Variants in FERRY3 observed in about 807,000 individuals in gnomAD.
FERRY3 encodes protein C12orf4.
chr12:4,510,780 G>A, the FERRY3 span, among the ~76,000 whole-genome samples: 17 of 146,110 alleles, frequency 1.2e-4, no homozygotes, highest in African/African-American at 2.1e-4. Context: ...GGTACCAGCC[G>A]CTGCAAAATC....
At chr12:4,529,464 T>C in the FERRY3 span, among the ~76,000 whole-genome samples, 1 of 152,132 alleles carries the variant, frequency 6.6e-6, no homozygotes, top group African/African-American at 2.4e-5. Flanking sequence ...CAGCATGCCC[T>C]TGGACAAGTT....
chr12:4,505,879 G>A, the FERRY3 span, among the ~76,000 whole-genome samples: 1 of 152,066 alleles, frequency 6.6e-6, no homozygotes, highest in East Asian at 1.9e-4. Context: ...ACAAATAAAT[G>A]GCTAGTGGGA....
the FERRY3 span, among the ~76,000 whole-genome samples, chr12:4,520,404 TCAAGTAA>T: frequency 6.6e-6 from 1 of 152,162 alleles, no homozygotes. Context: ...GAGCCTAGAT[TCAAGTAA>T]CAAGTAACAA....
At chr12:4,489,881 A>G in the FERRY3 span, 1 of 1,607,740 alleles carries the variant, frequency 6.2e-7, no homozygotes, top group Non-Finnish European at 8.5e-7. Context: ...AGTTGATAAA[A>G]CATTTCTTCA....
At chr12:4,517,876 T>G in the FERRY3 span, among the ~76,000 whole-genome samples, 1 of 152,072 alleles carries the variant, frequency 6.6e-6, no homozygotes, top group Non-Finnish European at 1.5e-5. Flanking sequence ...AAAATAAATA[T>G]GAAGCACTCT....
chr12:4,514,674 T>C, the FERRY3 span, among the ~76,000 whole-genome samples: 1 of 143,708 alleles, frequency 7.0e-6, no homozygotes, highest in Non-Finnish European at 1.5e-5. Context: ...ATATTCTCAC[T>C]CATAGGTGGG....
chr12:4,525,269 T>C, the FERRY3 span: 4 of 1,613,428 alleles, frequency 2.5e-6, no homozygotes, highest in Non-Finnish European at 3.4e-6. Context: ...GGAGCTGTTG[T>C]TGGGGTTTTT....
At chr12:4,509,545 AGATCT>A in the FERRY3 span, among the ~76,000 whole-genome samples, 1 of 149,120 alleles carries the variant, frequency 6.7e-6, no homozygotes, top group African/African-American at 2.6e-5. Context: ...ACGCGGCTGG[AGATCT>A]GAGAACGGGC....
the FERRY3 span, chr12:4,489,582 AAAG>A: frequency 3.0e-6 from 1 of 328,030 alleles, no homozygotes; most frequent in Non-Finnish European, 5.6e-6. Flanking sequence ...GAGAAGAAAA[AAAG>A]AGAAATTCAT....
chr12:4,535,850 C>G, the FERRY3 span, among the ~76,000 whole-genome samples: 114 of 152,186 alleles, frequency 7.5e-4, no homozygotes, highest in African/African-American at 2.5e-3. This position sits in a 1 kb window ranked among gnomAD's most constrained non-coding sequence, Gnocchi z 4.0. Flanking sequence ...GGAAAAAACA[C>G]TCAATAAAAG....
the FERRY3 span, among the ~76,000 whole-genome samples, chr12:4,524,625 A>G: frequency 6.6e-6 from 1 of 152,234 alleles, no homozygotes; most frequent in Non-Finnish European, 1.5e-5. Flanking sequence ...CGTACTCAGT[A>G]TATTTCCAAC....
the FERRY3 span, among the ~76,000 whole-genome samples, chr12:4,507,485 T>A: frequency 6.6e-6 from 1 of 151,910 alleles, no homozygotes; most frequent in African/African-American, 2.4e-5. Context: ...TCGCCAATAC[T>A]ACGGAAAATT....
the FERRY3 span, among the ~76,000 whole-genome samples, chr12:4,528,669 T>A: frequency 6.6e-6 from 1 of 152,136 alleles, no homozygotes; most frequent in East Asian, 1.9e-4. Context: ...CTATGCAATA[T>A]AATAAATATG....
chr12:4,489,591 T>C, the FERRY3 span: 1 of 341,918 alleles, frequency 2.9e-6, no homozygotes, highest in African/African-American at 2.1e-5. Flanking sequence ...AAAAGAGAAA[T>C]TCATAAAGAG....
At chr12:4,489,670 C>A in the FERRY3 span, 1 of 588,622 alleles carries the variant, frequency 1.7e-6, no homozygotes, top group Non-Finnish European at 2.9e-6. Flanking sequence ...AATGGTTTCA[C>A]ACACATGTAT....
At chr12:4,500,159 C>G in the FERRY3 span, 2 of 1,613,700 alleles carry the variant, frequency 1.2e-6, no homozygotes, top group Non-Finnish European at 1.7e-6. Flanking sequence ...CATGTACCAG[C>G]AAGAGAGGAA....
At chr12:4,518,923 A>T in the FERRY3 span, 24 of 1,338,592 alleles carry the variant, frequency 1.8e-5, no homozygotes, top group African/African-American at 3.4e-4. Context: ...TGTTTGTCAA[A>T]AACTTTTCTT....
At chr12:4,490,107 T>C in the FERRY3 span, among the ~76,000 whole-genome samples, 1 of 152,158 alleles carries the variant, frequency 6.6e-6, no homozygotes, top group Admixed American at 6.5e-5. Context: ...ATGTCATTTC[T>C]GTCAAATAAT....
At chr12:4,521,960 T>C in the FERRY3 span, among the ~76,000 whole-genome samples, 1 of 152,314 alleles carries the variant, frequency 6.6e-6, no homozygotes, top group African/African-American at 2.4e-5. Flanking sequence ...GTAACAAAAC[T>C]ACTCTGTATG....
Sources: allele counts gnomAD v4.1 joint callset (sites outside exome capture counted in the v4.1 genomes callset), GRCh38; gene constraint gnomAD v4.1.1; non-coding constraint Gnocchi (gnomAD v3.1); transcripts MANE v1.5; gene names NCBI Gene and HGNC (gene_info 2026-07-23, HGNC 2026-07-21).